COL4A4: variants seen among roughly 807,000 people sequenced by gnomAD.
COL4A4 encodes the protein collagen alpha-4(IV) chain.
Under a neutral mutation model 192.9 loss-of-function variants are expected in COL4A4, and 105 were observed. The ratio of observed to expected loss-of-function variants is 0.54; its 90% CI spans 0.46 to 0.64. COL4A4 has a LOEUF of 0.64. Among genes scored for constraint, COL4A4 ranks in the 30% least tolerant of loss-of-function variants. The pLI, the probability that COL4A4 is intolerant of heterozygous loss-of-function variation, is 0.00. For missense variants in COL4A4, 1,967 were observed against 2,169.3 expected, an observed-to-expected ratio of 0.91 and a Z score of 1.85; for synonymous variants, 762 against 769.9, an observed-to-expected ratio of 0.99 and a Z score of 0.17.
intron 25 of COL4A4, among the ~76,000 whole-genome samples, chr2:227,063,319 G>A (rs997976714): frequency 2.0e-5 from 3 of 152,066 alleles, no homozygotes; most frequent in Admixed American, 2.0e-4. Flanking sequence ...ATCCTAAAAT[G>A]GAATTTTTCT....
At position 227,032,140 on chromosome 2, in the gene COL4A4, C is replaced by T. The variant is rs897577875; in HGVS notation, c.3706+8G>A. 6.2e-7 allele frequency: 1 copy of T among 1,614,200 alleles called. No individual in the cohort carries two copies. Among genetic ancestry groups the T allele is most frequent in the African/African-American group, 1.3e-5 (1 of 75,060 alleles). On this transcript the variant is annotated splice_region_variant and intron_variant, in intron 39 of 47. Coordinates refer to ENST00000396625, the MANE Select transcript of COL4A4 (RefSeq NM_000092.5). ...ATTGAAAGAAGGGCAAAGCATGCTA[C>T]AGCTTACCTGGGGGTCCTGGGGGAC...
intron 25 of COL4A4, among the ~76,000 whole-genome samples, chr2:227,077,207 C>T (rs890106284): frequency 1.3e-5 from 2 of 152,098 alleles, no homozygotes; most frequent in Non-Finnish European, 2.9e-5. Flanking sequence ...TATTGCAGTA[C>T]TATTTACCAT....
chr2:227,034,916 A>G (rs1575949999), intron 37 of COL4A4, among the ~76,000 whole-genome samples: 1 of 151,372 alleles, frequency 6.6e-6, no homozygotes. Flanking sequence ...TTATGGCTGC[A>G]TAGTATTCCA....
At chr2:227,103,910 T>C in intron 13 of COL4A4, 62 bp downstream of exon 13, 1 of 1,289,706 alleles carries the variant, frequency 7.8e-7, no homozygotes, top group South Asian at 1.2e-5. Flanking sequence ...CTGCCACAGA[T>C]CCATGTCAAA....
At chr2:227,097,381 G>C (rs2060258845) in intron 19 of COL4A4, among the ~76,000 whole-genome samples, 1 of 152,038 alleles carries the variant, frequency 6.6e-6, no homozygotes, top group South Asian at 2.1e-4. Flanking sequence ...CTGTACATAT[G>C]GATACATACA....
chr2:227,029,781 A>C (rs1311620216), intron 41 of COL4A4, among the ~76,000 whole-genome samples: 1 of 152,230 alleles, frequency 6.6e-6, no homozygotes. Context: ...AAATTGATTA[A>C]AATAAATATT....
intron 25 of COL4A4, among the ~76,000 whole-genome samples, chr2:227,077,506 T>G (rs1049260299): frequency 2.0e-5 from 3 of 151,162 alleles, no homozygotes; most frequent in Non-Finnish European, 2.9e-5. Flanking sequence ...GGGTCAGGGG[T>G]AAGGGGAAGG....
intron 44 of COL4A4, among the ~76,000 whole-genome samples, chr2:227,017,214 G>C (rs1965074765): frequency 6.6e-6 from 1 of 152,158 alleles, no homozygotes; most frequent in African/African-American, 2.4e-5. Context: ...ATAGATCTGG[G>C]AAAAAGAGTC....
the COL4A4 span, among the ~76,000 whole-genome samples, chr2:226,967,842 G>A: frequency 6.6e-6 from 1 of 152,010 alleles, no homozygotes; most frequent in Non-Finnish European, 1.5e-5. Context: ...TTCATTCAGT[G>A]CCAGGGGCCC....
chr2:227,031,893 G>A (rs1427481601), intron 40 of COL4A4, 52 bp downstream of exon 40: 3 of 1,288,860 alleles, frequency 2.3e-6, no homozygotes, highest in Non-Finnish European at 3.4e-6. Flanking sequence ...TCCAGAGCTG[G>A]CAGCATCTAA....
intron 1 of COL4A4, among the ~76,000 whole-genome samples, chr2:227,156,701 C>A (rs2064382078): frequency 6.6e-6 from 1 of 151,938 alleles, no homozygotes; most frequent in Non-Finnish European, 1.5e-5. Context: ...CATAGGAAAC[C>A]TATAATGGAT....
At chr2:226,999,991 G>A (rs1303689914), downstream of COL4A4, among the ~76,000 whole-genome samples, 1 of 152,140 alleles carries the variant, frequency 6.6e-6, no homozygotes, top group Non-Finnish European at 1.5e-5. Flanking sequence ...TCAAACGAAA[G>A]TTTGTAACTT....
chr2:226,986,053 C>A, the COL4A4 span, among the ~76,000 whole-genome samples: 3 of 152,238 alleles, frequency 2.0e-5, no homozygotes, highest in African/African-American at 7.2e-5. Context: ...GAGGGCATTT[C>A]ACCTCTATGG....
At chr2:226,988,408 A>T in the COL4A4 span, 1 of 1,550,406 alleles carries the variant, frequency 6.4e-7, no homozygotes, top group African/African-American at 1.4e-5. Flanking sequence ...AAGGACCCAG[A>T]TGCCTGGGAA....
At chr2:227,045,819 C>T (rs1473980348) in intron 35 of COL4A4, among the ~76,000 whole-genome samples, 6 of 34,268 alleles carry the variant, frequency 1.8e-4, no homozygotes, top group African/African-American at 1.0e-3. Context: ...TATATATACA[C>T]ATATATATAT....
chr2:227,158,560 TCA>T (rs1211659302), intron 1 of COL4A4, among the ~76,000 whole-genome samples: 1 of 152,062 alleles, frequency 6.6e-6, no homozygotes, highest in Admixed American at 6.6e-5. Flanking sequence ...GAGAAAATAC[TCA>T]CAATACTTGT....
At chr2:227,021,935 G>A (rs1195622605) in intron 44 of COL4A4, 113 bp downstream of exon 44, 2 of 1,248,692 alleles carry the variant, frequency 1.6e-6, no homozygotes, top group African/African-American at 3.0e-5. Context: ...GGAAAGACAT[G>A]CTTTCTCCTC....
downstream of COL4A4, among the ~76,000 whole-genome samples, chr2:227,001,356 G>C (rs1163304610): frequency 1.3e-5 from 2 of 150,230 alleles, no homozygotes; most frequent in Non-Finnish European, 2.9e-5. Flanking sequence ...GACATGGCTG[G>C]TTTTCAGTTG....
intron 25 of COL4A4, among the ~76,000 whole-genome samples, chr2:227,069,454 C>G (rs1207871534): frequency 1.3e-5 from 2 of 152,166 alleles, no homozygotes; most frequent in Non-Finnish European, 2.9e-5. Context: ...CATCACACTA[C>G]CTGACTTCAA....
Sources: gnomAD v4.1 joint callset for allele counts (sites outside exome capture counted in the v4.1 genomes callset) on GRCh38, gnomAD v4.1.1 for gene constraint, MANE v1.5 for transcripts, NCBI Gene and HGNC (gene_info 2026-07-23, HGNC 2026-07-21) for gene names.